The following CPED1 variants were observed in gnomAD, a reference collection of about 807,000 sequenced individuals.
CPED1 encodes the protein cadherin-like and PC-esterase domain-containing protein 1.
CPED1 carries 114 observed loss-of-function variants against 128.2 expected under a neutral mutation model. The observed-to-expected ratio is 0.89, with a 90% CI of 0.76 to 1.04. CPED1 has a LOEUF of 1.04. Ranked by LOEUF, CPED1 falls within the 50% of genes least tolerant of loss-of-function variation. CPED1 has a pLI of 0.00. For missense variants in CPED1, 1,211 were observed against 1,207.1 expected (o/e 1.00, Z -0.05); for synonymous variants, 462 against 426.7 (o/e 1.08, Z -1.02).
chr7:121,206,007 A>T (rs1797508400), intron 16 of CPED1, among the ~76,000 whole-genome samples: 1 of 152,036 alleles, frequency 6.6e-6, no homozygotes, highest in Non-Finnish European at 1.5e-5. Flanking sequence ...GGATTTTTGT[A>T]TTCAGGCAAA....
Position 120,989,790 on chromosome 7 carries a change from C to T in CPED1, c.169C>T (p.Gln57Ter). 1.2e-6 allele frequency: 2 copies of T among 1,614,038 alleles called. No individual in the cohort carries two copies. Among genetic ancestry groups the T allele is most frequent in the South Asian group, 2.2e-5 (2 of 91,080 alleles). The change falls in exon 2 of 23, where the codon CAG (glutamine) becomes TAG (stop). Residue 57 changes from glutamine (Q) to a stop codon, truncating the protein, a stop_gained. Coordinates refer to ENST00000310396, the MANE Select transcript of CPED1 (RefSeq NM_024913.5). LOFTEE classifies it high-confidence loss of function. ...GAVPHTSTET[Q>*]ASRCKKGFSQ... is the part of the protein sequence containing the mutation. Reference sequence around the variant, plus strand: ...TGTCCCACACACATCCACTGAAACCCAGGCAAGCAGATGCAAGAAAGGATT... The same window carrying T: ...TGTCCCACACACATCCACTGAAACCTAGGCAAGCAGATGCAAGAAAGGATT...
At chr7:121,184,266 T>G (rs1796957124) in intron 16 of CPED1, among the ~76,000 whole-genome samples, 1 of 152,194 alleles carries the variant, frequency 6.6e-6, no homozygotes, top group African/African-American at 2.4e-5. Flanking sequence ...ATTTAAGTGA[T>G]TCCTCTAATA....
chr7:121,248,530 A>G (rs1798592466), intron 18 of CPED1, among the ~76,000 whole-genome samples: 1 of 149,252 alleles, frequency 6.7e-6, no homozygotes. Context: ...TATGCCATCT[A>G]CTGGATCATA....
chr7:121,277,528 T>G (rs1376912693), intron 22 of CPED1, among the ~76,000 whole-genome samples: 1 of 152,066 alleles, frequency 6.6e-6, no homozygotes, highest in Non-Finnish European at 1.5e-5. Flanking sequence ...GCAGAGAAGA[T>G]GGCAGGTGGT....
At chr7:121,053,424 A>G (rs1793410874) in intron 4 of CPED1, among the ~76,000 whole-genome samples, 1 of 152,154 alleles carries the variant, frequency 6.6e-6, no homozygotes, top group Admixed American at 6.5e-5. Flanking sequence ...AGGTTATGAA[A>G]CTTTGGCAAG....
At chr7:121,197,108 T>G (rs2116549542) in intron 16 of CPED1, among the ~76,000 whole-genome samples, 1 of 133,644 alleles carries the variant, frequency 7.5e-6, no homozygotes, top group Admixed American at 9.0e-5. Context: ...AGTTATTCCT[T>G]AAAAATAATC....
intron 5 of CPED1, among the ~76,000 whole-genome samples, chr7:121,084,075 G>A (rs1337617401): frequency 6.6e-6 from 1 of 152,092 alleles, no homozygotes; most frequent in Non-Finnish European, 1.5e-5. Flanking sequence ...GATAGAACTT[G>A]GATTCTAAAA....
chr7:121,293,267 C>T (rs555088497), intron 22 of CPED1, among the ~76,000 whole-genome samples: 1 of 152,292 alleles, frequency 6.6e-6, no homozygotes. Context: ...GTGGGTTCTG[C>T]ATCCAGTTCG....
chr7:121,006,872 CT>C (rs1351494763), intron 2 of CPED1, among the ~76,000 whole-genome samples: 1 of 152,000 alleles, frequency 6.6e-6, no homozygotes, highest in African/African-American at 2.4e-5. Context: ...GAAAAAGATA[CT>C]TTTTCAGAAA....
Position 121,295,734 on chromosome 7 carries a change from C to G in CPED1, c.*82C>G. 7 of 1,180,554 alleles carry G rather than the reference C, an allele frequency of 5.9e-6. No homozygotes were observed. The highest frequency in any genetic ancestry group is 8.7e-6 in the Non-Finnish European group (7 of 801,668). 73.1% of individuals were successfully genotyped at this position (1,180,554 alleles called of 1,614,324 possible). A position where few individuals can be genotyped will look rare whatever the true frequency, so the allele number is the denominator to read the frequency against. On this transcript the variant is annotated 3_prime_UTR_variant, in exon 23 of 23. Transcript: ENST00000310396. ...GGTCTAGGAGCCAAGCGCTGCACATCGCACACATTTGGGATCGACCACACA... is the reference window on the plus strand; with the variant it reads ...GGTCTAGGAGCCAAGCGCTGCACATGGCACACATTTGGGATCGACCACACA...
rs534289950 is a variant in CPED1 at position 121,005,427 on chromosome 7, C to T, written c.250-10238C>T. On this transcript the variant is annotated intron_variant, in intron 2 of 22. Transcript: ENST00000310396. Reference sequence around the variant, plus strand: ...CTTTTTAGTAGAATGATTTATAATCCTTTGGGTATATACCCAGTAATGGGA... The same window carrying T: ...CTTTTTAGTAGAATGATTTATAATCTTTTGGGTATATACCCAGTAATGGGA... Among the ~76,000 whole-genome samples the T allele has an allele frequency of 1.0e-3, 152 of 146,146 alleles. 1 individual carries two copies. Among genetic ancestry groups the T allele is most frequent in the African/African-American group, 3.5e-3 (136 of 39,164 alleles).
intron 16 of CPED1, 68 bp downstream of exon 16, chr7:121,142,209 C>G: frequency 7.5e-7 from 1 of 1,341,314 alleles, no homozygotes; most frequent in Non-Finnish European, 1.0e-6. Flanking sequence ...CGGAAAATGC[C>G]AAATGAAAAT....
intron 3 of CPED1, among the ~76,000 whole-genome samples, chr7:121,045,436 T>C (rs1167987710): frequency 6.6e-6 from 1 of 152,196 alleles, no homozygotes; most frequent in Non-Finnish European, 1.5e-5. Flanking sequence ...CAACACAAGA[T>C]TTGTGAAACT....
chr7:121,140,422 T>A (rs904961861), intron 14 of CPED1, among the ~76,000 whole-genome samples: 5 of 151,994 alleles, frequency 3.3e-5, no homozygotes, highest in Admixed American at 2.0e-4. Flanking sequence ...TTTTCCTCAT[T>A]CCTTGCGGGT....
intron 22 of CPED1, among the ~76,000 whole-genome samples, chr7:121,283,349 A>C (rs1251562439): frequency 6.6e-6 from 1 of 152,164 alleles, no homozygotes; most frequent in Non-Finnish European, 1.5e-5. Flanking sequence ...TCAGCTTTTA[A>C]TTTATATTTT....
chr7:121,018,036 G>T (rs1312387053), intron 3 of CPED1, among the ~76,000 whole-genome samples: 2 of 151,900 alleles, frequency 1.3e-5, no homozygotes, highest in Non-Finnish European at 2.9e-5. Flanking sequence ...CTCAAGAAAG[G>T]GTAGCAATTT....
intron 7 of CPED1, among the ~76,000 whole-genome samples, chr7:121,105,534 T>G (rs1794954699): frequency 6.6e-6 from 1 of 152,116 alleles, no homozygotes; most frequent in Admixed American, 6.6e-5. Flanking sequence ...AATAAAAGTC[T>G]TCTCCTGAGA....
rs575909450 is a variant in CPED1, at chr7:121,251,059, A to G, written c.2310+6721A>G. ...ATCCTTGATGAACATTGATGCAAAA[A>G]TCCTCAATAAAATACTGGCAAACCG... On this transcript the variant is annotated intron_variant, in intron 18 of 22. Coordinates refer to ENST00000310396, the MANE Select transcript of CPED1 (RefSeq NM_024913.5). Among the ~76,000 whole-genome samples, 8 of 152,340 alleles carry G rather than the reference A, an allele frequency of 5.3e-5. No homozygotes were observed. The South Asian group carries it at 1.5e-3, about 28-fold the overall frequency.
chr7:121,256,124 C>CAA lies in CPED1; in HGVS notation c.2311-10100_2311-10099dup, dbSNP rs1333114209. ...AGCAATCCTAAGCAAAAAAAAAAAA[C>CAA]AAAACAAAAAAAAAAAACAAAGCTT... On this transcript the variant is annotated intron_variant, in intron 18 of 22. Coordinates refer to ENST00000310396, the MANE Select transcript of CPED1 (RefSeq NM_024913.5). Among the ~76,000 whole-genome samples, 14 of 45,326 alleles carry CAA rather than the reference C, an allele frequency of 3.1e-4. 1 individual carries two copies. Among genetic ancestry groups the CAA allele is most frequent in the African/African-American group, 3.8e-4 (7 of 18,610 alleles). 29.7% of individuals were successfully genotyped at this position (45,326 alleles called of 152,430 possible).
Sources: gnomAD v4.1 joint callset for allele counts (sites outside exome capture counted in the v4.1 genomes callset) on GRCh38, gnomAD v4.1.1 for gene constraint, MANE v1.5 for transcripts, NCBI Gene and HGNC (gene_info 2026-07-23, HGNC 2026-07-21) for gene names.